The following SPINK8 variants were observed in gnomAD, a reference collection of about 807,000 sequenced individuals.
The protein encoded by SPINK8 is serine peptidase inhibitor Kazal type 8 (putative).
Under a neutral mutation model 14.4 loss-of-function variants are expected in SPINK8, and 12 were observed. That is an observed-to-expected ratio of 0.83 (90% CI 0.53 to 1.35). SPINK8 has a LOEUF of 1.35. Ranked by LOEUF, SPINK8 falls within the 40% of genes most tolerant of loss-of-function variation. The probability of loss-of-function intolerance (pLI) is 0.00; values close to 1 mark genes in which losing one functional copy is unlikely to be tolerated. For missense variants in SPINK8, 103 were observed against 117.0 expected (o/e 0.88, Z 0.55); for synonymous variants, 32 against 37.6 (o/e 0.85, Z 0.55).
chr3:48,333,249 C>A (rs1352298363), intron 1 of SPINK8, among the ~76,000 whole-genome samples: 1 of 152,188 alleles, frequency 6.6e-6, no homozygotes, highest in Non-Finnish European at 1.5e-5. Context: ...GGGCATGTTT[C>A]TCCCTCTTGA....
intron 2 of SPINK8, among the ~76,000 whole-genome samples, chr3:48,329,832 A>G (rs186130675): frequency 6.6e-6 from 1 of 152,302 alleles, no homozygotes; most frequent in East Asian, 1.9e-4. Flanking sequence ...GGCCTGACTC[A>G]CAGGGTTTTA....
At chr3:48,332,113 G>T (rs530581305) in intron 2 of SPINK8, among the ~76,000 whole-genome samples, 1 of 152,150 alleles carries the variant, frequency 6.6e-6, no homozygotes, top group African/African-American at 2.4e-5. Context: ...CTTGTAGACC[G>T]CACTGGAATC....
At chr3:48,320,983 CT>C (rs773687028) in intron 5 of SPINK8, 41 bp downstream of exon 5, 4 of 1,565,592 alleles carry the variant, frequency 2.6e-6, no homozygotes, top group Non-Finnish European at 3.5e-6. Flanking sequence ...AACTGGCTCT[CT>C]CCCCATTCCT....
chr3:48,306,899 A>T lies in SPINK8; in HGVS notation c.*93T>A. ...AATCAACGAGTTTGATCCAACCATT[A>T]GTAATTAAAGGGGATATATTTGAAG... On this transcript the variant is annotated 3_prime_UTR_variant, in exon 8 of 8. Transcript: ENST00000434006. The T allele has an allele frequency of 7.8e-7, 1 of 1,287,592 alleles. No individual in the cohort carries two copies. The highest frequency in any genetic ancestry group is 1.5e-5 in the African/African-American group (1 of 68,200). The allele number at this position is 1,287,592 out of a possible 1,614,324, so 79.8% of individuals were successfully genotyped here. A position where few individuals can be genotyped will look rare whatever the true frequency, so the allele number is the denominator to read the frequency against.
At chr3:48,325,591 AT>A (rs34299222) in intron 4 of SPINK8, among the ~76,000 whole-genome samples, 28,780 of 131,906 alleles carry the variant, frequency 0.22, 3,343 homozygotes, top group Non-Finnish European at 0.29. Flanking sequence ...TGCCTGGCTA[AT>A]TTTTTTTTTT....
At chr3:48,317,304 C>A (rs551523937) in intron 6 of SPINK8, among the ~76,000 whole-genome samples, 1 of 152,156 alleles carries the variant, frequency 6.6e-6, no homozygotes, top group East Asian at 1.9e-4. Flanking sequence ...GCCTGGCCAA[C>A]ATGGTGAAAC....
chr3:48,308,991 G>C (rs867695925), intron 7 of SPINK8, among the ~76,000 whole-genome samples: 1 of 152,186 alleles, frequency 6.6e-6, no homozygotes, highest in Non-Finnish European at 1.5e-5. Flanking sequence ...CCCAAATCAT[G>C]AAAGTGTCTA....
intron 6 of SPINK8, among the ~76,000 whole-genome samples, chr3:48,312,374 G>A (rs1213995722): frequency 6.6e-6 from 1 of 152,126 alleles, no homozygotes; most frequent in Non-Finnish European, 1.5e-5. Context: ...TGGGCATGGT[G>A]GCTGATACCT....
chr3:48,310,698 C>T (rs764566882), intron 6 of SPINK8, among the ~76,000 whole-genome samples: 1 of 152,104 alleles, frequency 6.6e-6, no homozygotes, highest in Non-Finnish European at 1.5e-5. Context: ...TGGGTTTCAT[C>T]ATGTAGGCCA....
At chr3:48,313,503 C>G (rs1228223338) in intron 6 of SPINK8, among the ~76,000 whole-genome samples, 1 of 152,182 alleles carries the variant, frequency 6.6e-6, no homozygotes, top group African/African-American at 2.4e-5. Flanking sequence ...AATTGGAACT[C>G]TCATATTTCT....
In SPINK8 at chr3:48,314,250, T is replaced by C. The variant is rs1478099185; in HGVS notation, c.240-4304A>G. On this transcript the variant is annotated intron_variant, in intron 6 of 7. Transcript: ENST00000434006. The stretch of plus-strand genomic sequence containing the variant: ...TGCTTGGACAGTGAAAATGGAGAAG[T>C]AAGAATCTTTAAAATTTCCTCCACG... Among the ~76,000 whole-genome samples, 2 of 151,862 alleles carry C rather than the reference T, an allele frequency of 1.3e-5. 1 individual carries two copies. The highest frequency in any genetic ancestry group is 4.8e-5 in the African/African-American group (2 of 41,294).
chr3:48,325,076 A>G (rs1463843004), intron 4 of SPINK8, among the ~76,000 whole-genome samples: 3 of 152,154 alleles, frequency 2.0e-5, no homozygotes. Flanking sequence ...GTTTTGAAGT[A>G]TATTTTGTCT....
At chr3:48,311,780 G>A (rs1169919634) in intron 6 of SPINK8, among the ~76,000 whole-genome samples, 1 of 152,138 alleles carries the variant, frequency 6.6e-6, no homozygotes, top group Non-Finnish European at 1.5e-5. Flanking sequence ...TCACTGACTG[G>A]AAGAATTAAT....
rs2036067077 is a variant in SPINK8, at chr3:48,321,052, A to G, written c.90T>C (p.Ser30=). 6.3e-7 allele frequency: 1 copy of G among 1,588,884 alleles called. No homozygotes were observed. The highest frequency in any genetic ancestry group is 8.6e-7 in the Non-Finnish European group (1 of 1,166,432). Residue 30 remains serine, a synonymous_variant, in exon 5 of 8, where the codon TCT becomes TCC. Transcript: ENST00000434006. ...FAIDFPLPMA[S]ERGQLDKTIV... ...TTGTTTTGTCTAGCTGACCTCTTTC[A>G]GAGGCCATAGGAAGGGGGAAGTCTG...
intron 5 of SPINK8, among the ~76,000 whole-genome samples, chr3:48,320,567 A>G (rs1041863155): frequency 1.1e-4 from 16 of 152,034 alleles, no homozygotes; most frequent in African/African-American, 3.6e-4. Flanking sequence ...AAAAATTCTG[A>G]TGAACATTAT....
chr3:48,320,955 A>C, intron 5 of SPINK8, 70 bp downstream of exon 5: 4 of 1,491,872 alleles, frequency 2.7e-6, no homozygotes, highest in Non-Finnish European at 3.6e-6. Flanking sequence ...CAGAAGAAAG[A>C]GCTGGGGCTT....
At chr3:48,307,394 T>G (rs996202801) in intron 7 of SPINK8, among the ~76,000 whole-genome samples, 1 of 147,302 alleles carries the variant, frequency 6.8e-6, no homozygotes. Flanking sequence ...CTCTTTCCCC[T>G]TCCTTCCTTC....
chr3:48,333,407 T>G (rs1003828023), intron 1 of SPINK8, among the ~76,000 whole-genome samples, 128 bp downstream of exon 1: 1 of 152,272 alleles, frequency 6.6e-6, no homozygotes, highest in African/African-American at 2.4e-5. Context: ...AACATAGGGA[T>G]GCCAGCACCC....
At chr3:48,331,253 T>C (rs1299205310) in intron 2 of SPINK8, among the ~76,000 whole-genome samples, 1 of 152,176 alleles carries the variant, frequency 6.6e-6, no homozygotes, top group Non-Finnish European at 1.5e-5. Flanking sequence ...GGAAGCCGCA[T>C]TCTCCATAGA....
Sources: gnomAD v4.1 joint callset for allele counts (sites outside exome capture counted in the v4.1 genomes callset) on GRCh38, gnomAD v4.1.1 for gene constraint, MANE v1.5 for transcripts, NCBI Gene and HGNC (gene_info 2026-07-23, HGNC 2026-07-21) for gene names.